The following TMEM232 variants were observed in gnomAD, a reference collection of about 807,000 sequenced individuals.
The protein encoded by TMEM232 is transmembrane protein 232.
TMEM232 carries 80 observed loss-of-function variants against 78.8 expected under a neutral mutation model. The observed-to-expected ratio is 1.01, with a 90% confidence interval of 0.85 to 1.22. TMEM232 has a LOEUF of 1.22. Ranked by LOEUF, TMEM232 falls within the 50% of genes most tolerant of loss-of-function variation. The pLI, the probability that TMEM232 is intolerant of heterozygous loss-of-function variation, is 0.00. For synonymous variants in TMEM232, 297 were observed against 254.3 expected, an observed-to-expected ratio of 1.17 and a Z score of -1.60; for missense variants, 881 against 742.2, an observed-to-expected ratio of 1.19 and a Z score of -2.17.
At chr5:110,542,644 G>A (rs972592548) in intron 11 of TMEM232, among the ~76,000 whole-genome samples, 3 of 152,028 alleles carry the variant, frequency 2.0e-5, no homozygotes, top group Non-Finnish European at 4.4e-5. Flanking sequence ...TGGGGATTGT[G>A]TCTCTCAGGG....
At chr5:110,569,420 G>C (rs1407665415) in intron 10 of TMEM232, among the ~76,000 whole-genome samples, 1 of 151,740 alleles carries the variant, frequency 6.6e-6, no homozygotes, top group Admixed American at 6.6e-5. Context: ...AAATAAATTT[G>C]GGGAATAAAA....
At chr5:110,692,853 G>C (rs111646814) in intron 1 of TMEM232, among the ~76,000 whole-genome samples, 7 of 152,176 alleles carry the variant, frequency 4.6e-5, no homozygotes. Flanking sequence ...TGGCCTGCCT[G>C]CCTCTGTAGG....
At chr5:110,520,298 T>G (rs1027774217) in intron 12 of TMEM232, among the ~76,000 whole-genome samples, 1 of 152,068 alleles carries the variant, frequency 6.6e-6, no homozygotes, top group Admixed American at 6.6e-5. Context: ...ACAGCTAGTA[T>G]GTATTCATAA....
intron 8 of TMEM232, among the ~76,000 whole-genome samples, chr5:110,607,716 G>T (rs1009619068): frequency 1.3e-5 from 2 of 151,944 alleles, no homozygotes; most frequent in Non-Finnish European, 2.9e-5. Context: ...AGCTAGAAAA[G>T]GAAGCATATT....
downstream of TMEM232, among the ~76,000 whole-genome samples, chr5:110,418,593 A>G (rs1561467037): frequency 6.6e-6 from 1 of 152,096 alleles, no homozygotes; most frequent in South Asian, 2.1e-4. Context: ...TTTCCAAGTC[A>G]CCACTAAGAC....
At chr5:110,477,373 T>C (rs1400810828) in intron 12 of TMEM232, among the ~76,000 whole-genome samples, 1 of 151,914 alleles carries the variant, frequency 6.6e-6, no homozygotes, top group Non-Finnish European at 1.5e-5. Context: ...ATTCATCAAT[T>C]ATTATTCAAA....
chr5:110,632,647 CA>C (rs1785277259), intron 5 of TMEM232, among the ~76,000 whole-genome samples: 1 of 151,672 alleles, frequency 6.6e-6, no homozygotes, highest in Admixed American at 6.6e-5. Context: ...ACTAAAACAA[CA>C]ACACAAAAGA....
At chr5:110,451,072 C>T (rs535474428) in intron 12 of TMEM232, among the ~76,000 whole-genome samples, 2 of 152,298 alleles carry the variant, frequency 1.3e-5, no homozygotes, top group East Asian at 3.9e-4. Flanking sequence ...CCGCATTTGG[C>T]TGTGATGGAA....
intron 12 of TMEM232, among the ~76,000 whole-genome samples, chr5:110,520,207 C>T (rs773920861): frequency 6.6e-6 from 1 of 151,792 alleles, no homozygotes; most frequent in African/African-American, 2.4e-5. Context: ...ATTAGAGTGA[C>T]AGATACTCTA....
chr5:110,738,553 T>C (rs548349842), upstream of TMEM232, among the ~76,000 whole-genome samples: 19 of 152,214 alleles, frequency 1.2e-4, no homozygotes, highest in African/African-American at 3.1e-4. Flanking sequence ...TCAATAGATT[T>C]GATCCAAAAC....
intron 12 of TMEM232, among the ~76,000 whole-genome samples, chr5:110,491,451 C>A (rs1015457081): frequency 1.3e-5 from 2 of 151,868 alleles, no homozygotes; most frequent in Non-Finnish European, 2.9e-5. Context: ...CCAGAATAGG[C>A]AAATCCACAG....
chr5:110,524,363 AAAAGAAAGAAAGAAAG>A lies in TMEM232; in HGVS notation c.1703+4209_1703+4224del, dbSNP rs756039290. ...AAAGAAAGAGAAAGAAAGAAAGAAA[AAAAGAAAGAAAGAAAG>A]AAAGAAAGAAAGAAAGAAAGAAAGA... On this transcript the variant is annotated intron_variant, in intron 12 of 13. Transcript: ENST00000455884. 8.6e-3 allele frequency among the ~76,000 whole-genome samples: 1,031 copies of A among 120,330 alleles called. 6 individuals carry two copies. Among genetic ancestry groups the A allele is most frequent in the South Asian group, 0.032 (113 of 3,516 alleles). The allele number at this position is 120,330 out of a possible 152,430, so 78.9% of individuals were successfully genotyped here.
At chr5:110,553,256 TA>T (rs887403031) in intron 11 of TMEM232, among the ~76,000 whole-genome samples, 6 of 152,164 alleles carry the variant, frequency 3.9e-5, no homozygotes, top group African/African-American at 1.4e-4. Flanking sequence ...CTTTTTTTTC[TA>T]ATTCTGTGAA....
At chr5:110,665,419 A>G (rs1392853092) in intron 2 of TMEM232, among the ~76,000 whole-genome samples, 2 of 152,114 alleles carry the variant, frequency 1.3e-5, no homozygotes, top group African/African-American at 4.8e-5. Flanking sequence ...TTTACATACA[A>G]AAGAAGTTTA....
chr5:110,582,187 T>C (rs1308273043), intron 10 of TMEM232, among the ~76,000 whole-genome samples: 2 of 151,878 alleles, frequency 1.3e-5, no homozygotes, highest in Non-Finnish European at 2.9e-5. Flanking sequence ...TAAATTATTC[T>C]ACCAAAAAGA....
intron 3 of TMEM232, among the ~76,000 whole-genome samples, chr5:110,393,035 A>G (rs1755260845): frequency 6.6e-6 from 1 of 152,206 alleles, no homozygotes; most frequent in African/African-American, 2.4e-5. Context: ...CTGTGTCAGA[A>G]CACTGAATAA....
chr5:110,576,944 CT>C (rs2149712283), intron 10 of TMEM232, among the ~76,000 whole-genome samples: 1 of 152,072 alleles, frequency 6.6e-6, no homozygotes, highest in South Asian at 2.1e-4. Flanking sequence ...GGGAGACAAC[CT>C]AGGCAATACT....
intron 2 of TMEM232, among the ~76,000 whole-genome samples, chr5:110,733,279 G>C (rs1314433722): frequency 6.6e-6 from 1 of 152,204 alleles, no homozygotes; most frequent in South Asian, 2.1e-4. Context: ...GTGGACAGCA[G>C]TGCGTTGGTT....
At chr5:110,572,454 T>A (rs1339737703) in intron 10 of TMEM232, among the ~76,000 whole-genome samples, 1 of 152,068 alleles carries the variant, frequency 6.6e-6, no homozygotes, top group African/African-American at 2.4e-5. Flanking sequence ...TTTTAACTAA[T>A]TTCTACATTT....
Sources: allele counts gnomAD v4.1 joint callset (sites outside exome capture counted in the v4.1 genomes callset), GRCh38; gene constraint gnomAD v4.1.1; transcripts MANE v1.5; gene names NCBI Gene and HGNC (gene_info 2026-07-23, HGNC 2026-07-21).